The following ATXN7 variants were observed in gnomAD, a reference collection of about 807,000 sequenced individuals.
ATXN7 encodes ataxin-7.
ATXN7 carries 12 observed loss-of-function variants against 70.5 expected under a neutral mutation model. That is an observed-to-expected ratio of 0.17 (90% CI 0.11 to 0.28). The LOEUF (loss-of-function observed/expected upper bound fraction) is 0.28, where lower values mean the gene tolerates loss of function less well. Among genes scored for constraint, ATXN7 ranks in the 10% least tolerant of loss-of-function variants. The pLI is 1.00. For synonymous variants in ATXN7, 498 were observed against 448.7 expected, an observed-to-expected ratio of 1.11 and a Z score of -1.39; for missense variants, 1,256 against 1,131.7, an observed-to-expected ratio of 1.11 and a Z score of -1.58.
chr3:63,935,287 C>G (rs1308512036), intron 4 of ATXN7, among the ~76,000 whole-genome samples: 1 of 152,168 alleles, frequency 6.6e-6, no homozygotes, highest in African/African-American at 2.4e-5. Flanking sequence ...CACTGTCTCC[C>G]TATCTTGAGT....
chr3:63,944,775 T>G (rs1024929903), intron 4 of ATXN7, among the ~76,000 whole-genome samples: 1 of 151,928 alleles, frequency 6.6e-6, no homozygotes, highest in South Asian at 2.1e-4. Flanking sequence ...TTTTTGTTAG[T>G]TTTTGGTTTT....
chr3:63,970,587 T>A (rs893238329), intron 5 of ATXN7, among the ~76,000 whole-genome samples: 2 of 152,156 alleles, frequency 1.3e-5, no homozygotes, highest in African/African-American at 4.8e-5. Context: ...CCCCCAGATA[T>A]TCAATAACTT....
At chr3:63,967,803 T>C in intron 5 of ATXN7, 7 of 1,502,554 alleles carry the variant, frequency 4.7e-6, no homozygotes, top group Non-Finnish European at 6.2e-6. Context: ...TAGTAGCAAA[T>C]GTTACATAAG....
intron 3 of ATXN7, 97 bp downstream of exon 3, chr3:63,913,020 A>AG: frequency 8.6e-7 from 1 of 1,167,364 alleles, no homozygotes; most frequent in Non-Finnish European, 1.2e-6. Context: ...CGCCCCCTCG[A>AG]GGGGCAGAGA....
At chr3:63,994,081 G>C (rs1276569081) in intron 11 of ATXN7, among the ~76,000 whole-genome samples, 1 of 152,118 alleles carries the variant, frequency 6.6e-6, no homozygotes, top group East Asian at 1.9e-4. Flanking sequence ...AGAAATGACT[G>C]ATGTCTGTCC....
chr3:63,887,943 C>T (rs912735331), intron 1 of ATXN7, among the ~76,000 whole-genome samples: 7 of 150,116 alleles, frequency 4.7e-5, no homozygotes, highest in South Asian at 2.1e-4. Flanking sequence ...ACTTTAAATA[C>T]GTGTTTTTAT....
At chr3:63,909,730 T>C (rs1218793691) in intron 2 of ATXN7, among the ~76,000 whole-genome samples, 1 of 152,192 alleles carries the variant, frequency 6.6e-6, no homozygotes. Context: ...TTAGGACTTT[T>C]TTATGGGTGA....
intron 7 of ATXN7, 102 bp from the exon 8 acceptor site, chr3:63,982,837 G>A: frequency 1.1e-6 from 1 of 904,726 alleles, no homozygotes; most frequent in South Asian, 1.4e-5. Context: ...TTTTATTCCA[G>A]CTATAATTTA....
At chr3:63,945,769 G>T (rs1484899649) in intron 4 of ATXN7, among the ~76,000 whole-genome samples, 3 of 152,194 alleles carry the variant, frequency 2.0e-5, no homozygotes, top group Non-Finnish European at 2.9e-5. Flanking sequence ...ATAGTGCTTG[G>T]CTAGGAGCCC....
At chr3:63,886,667 T>G (rs566588680) in intron 1 of ATXN7, among the ~76,000 whole-genome samples, 1 of 152,290 alleles carries the variant, frequency 6.6e-6, no homozygotes, top group South Asian at 2.1e-4. Flanking sequence ...TTCTGTAAAT[T>G]CAAAGTCATC....
intron 5 of ATXN7, among the ~76,000 whole-genome samples, chr3:63,966,746 C>G (rs544688157): frequency 6.6e-6 from 1 of 152,140 alleles, no homozygotes; most frequent in Non-Finnish European, 1.5e-5. Flanking sequence ...AACTCTTCCC[C>G]GCACCTTTCA....
At chr3:63,899,763 G>A (rs996911974) in intron 2 of ATXN7, among the ~76,000 whole-genome samples, 6 of 152,136 alleles carry the variant, frequency 3.9e-5, no homozygotes, top group African/African-American at 1.2e-4. Context: ...ACAGGCGCCT[G>A]CCGCCACGCC....
rs2075843159 is a variant in ATXN7 at position 64,002,461 on chromosome 3, C to A, written c.*2994C>A. On this transcript the variant is annotated 3_prime_UTR_variant, in exon 13 of 13. Transcript: ENST00000674280. The stretch of plus-strand genomic sequence containing the variant: ...TGTAACTAAGTGACACACTGCTTTT[C>A]TTTTGTTAGTATTTTATGTGTGGGA... 1 of 151,954 alleles carries A rather than the reference C, an allele frequency of 6.6e-6. No individual in the cohort carries two copies. Among genetic ancestry groups the A allele is most frequent in the Non-Finnish European group, 1.5e-5 (1 of 67,970 alleles). The allele number at this position is 151,954 out of a possible 1,614,324, so 9.4% of individuals were successfully genotyped here.
intron 1 of ATXN7, among the ~76,000 whole-genome samples, chr3:63,895,746 T>C (rs796952644): frequency 3.3e-5 from 5 of 151,994 alleles, no homozygotes; most frequent in African/African-American, 1.2e-4. Flanking sequence ...TCTCTCTCTC[T>C]CTCTTTCTCT....
chr3:63,914,003 A>T (rs990638718), intron 4 of ATXN7, among the ~76,000 whole-genome samples: 6 of 152,230 alleles, frequency 3.9e-5, no homozygotes, highest in African/African-American at 1.4e-4. Context: ...TACCGTGGTC[A>T]GAAAGGACTT....
At chr3:63,885,555 A>C (rs1214480145) in intron 1 of ATXN7, among the ~76,000 whole-genome samples, 1 of 152,206 alleles carries the variant, frequency 6.6e-6, no homozygotes, top group Non-Finnish European at 1.5e-5. Context: ...AAAATTAAAA[A>C]TAGAAAAGAA....
At chr3:63,875,462 A>G (rs1325584768) in intron 1 of ATXN7, among the ~76,000 whole-genome samples, 1 of 152,152 alleles carries the variant, frequency 6.6e-6, no homozygotes, top group East Asian at 1.9e-4. Context: ...GGTGGTGTCT[A>G]GTAGTCACCT....
chr3:63,922,532 C>A (rs1194931515), intron 4 of ATXN7, among the ~76,000 whole-genome samples: 2 of 152,114 alleles, frequency 1.3e-5, no homozygotes, highest in African/African-American at 4.8e-5. Context: ...TATGCTGCTG[C>A]TTGTAATGTT....
At chr3:63,997,728 T>G in intron 12 of ATXN7, 1 of 1,548,454 alleles carries the variant, frequency 6.5e-7, no homozygotes, top group African/African-American at 1.4e-5. Flanking sequence ...CTTCCTCGTC[T>G]TCAGAACTTA....
Sources: allele counts gnomAD v4.1 joint callset (sites outside exome capture counted in the v4.1 genomes callset), GRCh38; gene constraint gnomAD v4.1.1; transcripts MANE v1.5; gene names NCBI Gene and HGNC (gene_info 2026-07-23, HGNC 2026-07-21).